Variants in PIK3C2G observed in about 807,000 individuals in gnomAD.
PIK3C2G encodes phosphatidylinositol-4-phosphate 3-kinase catalytic subunit type 2 gamma.
PIK3C2G carries 168 observed loss-of-function variants against 181.1 expected under a neutral mutation model. That is an observed-to-expected ratio of 0.93 (90% CI 0.82 to 1.05). The LOEUF is 1.05. PIK3C2G is among the 50% of genes least tolerant of loss of function. The pLI is 0.00. For missense variants in PIK3C2G, 1,869 were observed against 1,732.8 expected, an observed-to-expected ratio of 1.08 and a Z score of -1.40; for synonymous variants, 573 against 592.2, an observed-to-expected ratio of 0.97 and a Z score of 0.47.
At chr12:18,485,220 G>C (rs1939915675) in intron 18 of PIK3C2G, among the ~76,000 whole-genome samples, 1 of 152,172 alleles carries the variant, frequency 6.6e-6, no homozygotes, top group Admixed American at 6.6e-5. Flanking sequence ...GTTCTGTCCT[G>C]CTGGTAGACT....
chr12:18,260,073 A>G (rs916309886), upstream of PIK3C2G, among the ~76,000 whole-genome samples: 2 of 152,146 alleles, frequency 1.3e-5, no homozygotes, highest in African/African-American at 2.4e-5. Flanking sequence ...CTTGTTAATG[A>G]ATAATGACTA....
At chr12:18,532,138 G>A (rs575006068) in intron 24 of PIK3C2G, among the ~76,000 whole-genome samples, 100 of 145,148 alleles carry the variant, frequency 6.9e-4, no homozygotes, top group African/African-American at 1.8e-3. Context: ...TAATAATGTT[G>A]AACATCTTTT....
intron 8 of PIK3C2G, among the ~76,000 whole-genome samples, chr12:18,328,442 A>T (rs1438020005): frequency 6.6e-6 from 1 of 152,034 alleles, no homozygotes; most frequent in Admixed American, 6.6e-5. Flanking sequence ...TTTTATATTT[A>T]GCTTCTTTTA....
At chr12:18,566,928 C>T (rs776077168) in intron 28 of PIK3C2G, 21 bp from the exon 29 acceptor site, 15 of 1,323,104 alleles carry the variant, frequency 1.1e-5, no homozygotes, top group Non-Finnish European at 1.6e-5. Context: ...ATGAAGATAA[C>T]TTTTTTTTCT....
intron 24 of PIK3C2G, among the ~76,000 whole-genome samples, chr12:18,511,949 G>A (rs1371935788): frequency 6.6e-6 from 1 of 151,970 alleles, no homozygotes; most frequent in African/African-American, 2.4e-5. Context: ...ATAGTTTCAA[G>A]TCTTATATTT....
chr12:18,255,210 G>A (rs1053923307), intron 1 of PIK3C2G, among the ~76,000 whole-genome samples: 3 of 88,948 alleles, frequency 3.4e-5, no homozygotes, highest in East Asian at 7.5e-4. Flanking sequence ...GTGAAACTCC[G>A]TCTCAAAAAT....
intron 29 of PIK3C2G, among the ~76,000 whole-genome samples, chr12:18,593,383 G>A (rs1385811535): frequency 6.6e-6 from 1 of 151,818 alleles, no homozygotes; most frequent in African/African-American, 2.4e-5. Context: ...GGAAGTTTAG[G>A]AATTTCCATC....
At chr12:18,288,593 T>A (rs1949554760) in intron 3 of PIK3C2G, among the ~76,000 whole-genome samples, 1 of 152,220 alleles carries the variant, frequency 6.6e-6, no homozygotes, top group Non-Finnish European at 1.5e-5. Context: ...GTCTTTAATG[T>A]CATCAACATT....
the PIK3C2G span, among the ~76,000 whole-genome samples, chr12:18,667,672 A>G: frequency 2.0e-5 from 3 of 152,334 alleles, no homozygotes; most frequent in South Asian, 4.1e-4. Context: ...GCATTGTGCT[A>G]CTGCTTTACC....
Position 18,371,273 on chromosome 12 carries a change from T to G in PIK3C2G, c.1842T>G (p.Asn614Lys). Residue 614 changes from asparagine to lysine, a missense_variant, in exon 13 of 33, where the codon AAT (asparagine) becomes AAG (lysine). Physicochemically the swap from Asn to Lys is moderately conservative, Grantham distance 94 (BLOSUM62 0). Transcript: ENST00000538779. ...TTGCCTGTGCAACCAACAATGCAAA[T>G]TTACTGGCGTGGACTTGTCTTCCAC... The part of the protein sequence containing the change: ...FGIACATNNA[N>K]LLAWTCLPLF... 6.2e-7 allele frequency: 1 copy of G among 1,612,344 alleles called. No individual in the cohort carries two copies. The highest frequency in any genetic ancestry group is 8.5e-7 in the Non-Finnish European group (1 of 1,179,060).
intron 11 of PIK3C2G, among the ~76,000 whole-genome samples, chr12:18,353,316 GA>G (rs1228037900): frequency 6.7e-6 from 1 of 149,834 alleles, no homozygotes; most frequent in East Asian, 2.0e-4. Flanking sequence ...GGCACATGAG[GA>G]AAAAAAAAGC....
At chr12:18,545,318 A>T (rs1420518200) in intron 25 of PIK3C2G, among the ~76,000 whole-genome samples, 2 of 151,870 alleles carry the variant, frequency 1.3e-5, no homozygotes, top group Admixed American at 1.3e-4. Context: ...TTTTTATACC[A>T]TTCTTTTTCT....
At chr12:18,718,429 A>G in the PIK3C2G span, among the ~76,000 whole-genome samples, 3 of 151,956 alleles carry the variant, frequency 2.0e-5, no homozygotes, top group Non-Finnish European at 4.4e-5. Context: ...GATAAAATCT[A>G]TTCTCCTCTC....
At chr12:18,606,971 A>G (rs116353741) in intron 30 of PIK3C2G, among the ~76,000 whole-genome samples, 1,891 of 152,260 alleles carry the variant, frequency 0.012, 47 homozygotes, top group African/African-American at 0.043. Flanking sequence ...ATAAATGTTT[A>G]ATGTGCACAT....
At chr12:18,718,319 T>C in the PIK3C2G span, among the ~76,000 whole-genome samples, 2 of 152,122 alleles carry the variant, frequency 1.3e-5, no homozygotes, top group Non-Finnish European at 2.9e-5. Flanking sequence ...TCCCAAATCA[T>C]CTTCTACCTC....
At chr12:18,513,117 A>G (rs1243132913) in intron 24 of PIK3C2G, among the ~76,000 whole-genome samples, 1 of 151,842 alleles carries the variant, frequency 6.6e-6, no homozygotes, top group Admixed American at 6.6e-5. Context: ...GGTATGTTGA[A>G]CCATCCTTGG....
Position 18,338,511 on chromosome 12 carries a change from T to A in PIK3C2G, c.1358T>A (p.Val453Glu). 2 of 1,589,688 alleles carry A rather than the reference T, an allele frequency of 1.3e-6. No individual in the cohort carries two copies. The highest frequency in any genetic ancestry group is 2.2e-5 in the South Asian group (2 of 90,542). The change falls in exon 9 of 33, where the codon GTA becomes GAA. Residue 453 changes from valine to glutamate, a missense_variant. Coordinates refer to ENST00000538779, the MANE Select transcript of PIK3C2G (RefSeq NM_001288772.2). ...GAAACCAAACAAATTACAGATGCAG[T>A]AAATGAACTAAGTCTAATTCTTCAG... is the stretch of plus-strand genomic sequence containing the variant. Reference protein sequence around the residue: ...CVETKQITDAVNELSLILQRK... With the variant: ...CVETKQITDAENELSLILQRK...
chr12:18,251,290 T>C (rs966996553), intron 1 of PIK3C2G, among the ~76,000 whole-genome samples: 1 of 151,976 alleles, frequency 6.6e-6, no homozygotes, highest in Non-Finnish European at 1.5e-5. Context: ...AATGGAAAAG[T>C]CCACTTAAAA....
intron 24 of PIK3C2G, among the ~76,000 whole-genome samples, chr12:18,534,496 A>T (rs980034452): frequency 6.6e-6 from 1 of 152,138 alleles, no homozygotes; most frequent in African/African-American, 2.4e-5. Flanking sequence ...CGTTACAAAT[A>T]TGTTTGTACT....
Sources: gnomAD v4.1 joint callset for allele counts (sites outside exome capture counted in the v4.1 genomes callset) on GRCh38, gnomAD v4.1.1 for gene constraint, MANE v1.5 for transcripts, NCBI Gene and HGNC (gene_info 2026-07-23, HGNC 2026-07-21) for gene names.